FRY: variants seen among roughly 807,000 people sequenced by gnomAD.
The protein encoded by FRY is protein furry homolog.
FRY carries 128 observed loss-of-function variants against 348.4 expected under a neutral mutation model. The observed-to-expected ratio is 0.37, with a 90% confidence interval of 0.32 to 0.43. The LOEUF is 0.43. FRY is among the 20% of genes least tolerant of loss of function. FRY has a pLI of 1.00. For synonymous variants in FRY, 1,370 were observed against 1,374.7 expected, an observed-to-expected ratio of 1.00 and a Z score of 0.08; for missense variants, 2,736 against 3,695.2, an observed-to-expected ratio of 0.74 and a Z score of 6.73.
In FRY at chr13:32,186,127, C is replaced by T. The variant is rs180829120; in HGVS notation, c.3320-133C>T. On this transcript the variant is annotated intron_variant, in intron 26 of 60. Transcript: ENST00000542859. ...AAAATGTGGCTTGACTTTTTAAGTGCATGTTTCATTGCCTAAAGAAAACTG... is the reference window on the plus strand; with the variant it reads ...AAAATGTGGCTTGACTTTTTAAGTGTATGTTTCATTGCCTAAAGAAAACTG... 5.8e-5 allele frequency: 43 copies of T among 745,084 alleles called. No homozygotes were observed. The Admixed American group carries it at 7.4e-4, about 13-fold the overall frequency. The allele number at this position is 745,084 out of a possible 1,614,324, so 46.2% of individuals were successfully genotyped here.
intron 55 of FRY, among the ~76,000 whole-genome samples, chr13:32,270,847 G>A (rs1186044405): frequency 6.6e-6 from 1 of 152,214 alleles, no homozygotes; most frequent in Non-Finnish European, 1.5e-5. Flanking sequence ...CAGGTAAACA[G>A]TGCCTTGCTC....
At chr13:32,166,765 G>A (rs946353036) in intron 17 of FRY, among the ~76,000 whole-genome samples, 2 of 152,064 alleles carry the variant, frequency 1.3e-5, no homozygotes, top group African/African-American at 2.4e-5. Context: ...CCACAGACTC[G>A]TCTTGATAGG....
intron 58 of FRY, among the ~76,000 whole-genome samples, chr13:32,278,842 A>C (rs927918101): frequency 6.6e-6 from 1 of 152,208 alleles, no homozygotes; most frequent in Non-Finnish European, 1.5e-5. Context: ...AATTCAGATT[A>C]TAAGGCCAAA....
chr13:32,100,819 G>A (rs1229803845), intron 2 of FRY, among the ~76,000 whole-genome samples: 1 of 152,126 alleles, frequency 6.6e-6, no homozygotes, highest in East Asian at 1.9e-4. Context: ...TTTCTTTATA[G>A]ATGGTGCCTT....
chr13:32,057,222 G>C (rs1873680789), intron 1 of FRY, among the ~76,000 whole-genome samples: 1 of 151,356 alleles, frequency 6.6e-6, no homozygotes, highest in East Asian at 1.9e-4. Context: ...CCAGGCTAGA[G>C]TGCAGTGGCA....
chr13:32,129,673 T>C (rs1879229237), intron 7 of FRY, among the ~76,000 whole-genome samples: 1 of 152,236 alleles, frequency 6.6e-6, no homozygotes, highest in African/African-American at 2.4e-5. Context: ...AATATCTCAT[T>C]CATAAGTTGT....
chr13:32,075,048 G>A (rs1874948186), intron 1 of FRY, among the ~76,000 whole-genome samples: 1 of 152,216 alleles, frequency 6.6e-6, no homozygotes, highest in African/African-American at 2.4e-5. Context: ...GTGCCTCAGT[G>A]TGGCTAGTAC....
At chr13:32,262,536 TC>T in intron 53 of FRY, 61 bp downstream of exon 53, 7 of 1,298,306 alleles carry the variant, frequency 5.4e-6, no homozygotes, top group Non-Finnish European at 7.8e-6. Context: ...AAAAAACACT[TC>T]CAATTTTCTG....
rs376854791 is a variant in FRY at position 32,248,391 on chromosome 13, G to A, written c.7008+889G>A. Among the ~76,000 whole-genome samples, 345 of 152,246 alleles carry A rather than the reference G, an allele frequency of 2.3e-3. 1 individual carries two copies. The highest frequency in any genetic ancestry group is 7.8e-3 in the African/African-American group (323 of 41,538). ...ACACCGAGGCCTATCACGGGGTGGG[G>A]AACAAGGGGAGGGATAGCATTAGGA... On this transcript the variant is annotated intron_variant, in intron 48 of 60. Transcript: ENST00000542859.
chr13:32,137,637 A>G (rs1879804581), intron 11 of FRY, among the ~76,000 whole-genome samples: 1 of 152,240 alleles, frequency 6.6e-6, no homozygotes, highest in Admixed American at 6.5e-5. Context: ...TTTAAGTTTT[A>G]GTAACCTATT....
In FRY at chr13:32,239,360, C is replaced by T. The variant is rs117297533; in HGVS notation, c.6516+11C>T. On this transcript the variant is annotated intron_variant, in intron 45 of 60. Coordinates refer to ENST00000542859, the MANE Select transcript of FRY (RefSeq NM_023037.3). This position sits in a 1 kb window ranked among gnomAD's most constrained non-coding sequence, Gnocchi z 4.3. ...GAAAGGATTGCTCAGGTATGAGTTACAGTTCCACACTCAGGCAGATCCATA... is the reference window on the plus strand; with the variant it reads ...GAAAGGATTGCTCAGGTATGAGTTATAGTTCCACACTCAGGCAGATCCATA... The T allele has an allele frequency of 4.0e-3, 5,996 of 1,497,290 alleles. 20 individuals carry two copies. The highest frequency in any genetic ancestry group is 4.7e-3 in the Non-Finnish European group (5,033 of 1,073,356). 92.8% of individuals were successfully genotyped at this position (1,497,290 alleles called of 1,614,324 possible). A position where few individuals can be genotyped will look rare whatever the true frequency, so the allele number is the denominator to read the frequency against.
intron 2 of FRY, among the ~76,000 whole-genome samples, chr13:32,099,554 G>T (rs539292797): frequency 6.6e-6 from 1 of 152,016 alleles, no homozygotes. Context: ...TTTTGAAAAC[G>T]TATAATACAG....
Position 32,237,233 on chromosome 13 carries a change from T to G in FRY, c.5811-146T>G. The G allele has an allele frequency of 1.2e-6, 1 of 831,422 alleles. No homozygotes were observed. The allele number at this position is 831,422 out of a possible 1,614,324, so 51.5% of individuals were successfully genotyped here. A position where few individuals can be genotyped will look rare whatever the true frequency, so the allele number is the denominator to read the frequency against. ...TTCTCTTGTTTTGTTTTTTATAGCTTTAAAGATAAGGAAAAATAAATGAAT... is the reference window on the plus strand; with the variant it reads ...TTCTCTTGTTTTGTTTTTTATAGCTGTAAAGATAAGGAAAAATAAATGAAT... On this transcript the variant is annotated intron_variant, in intron 43 of 60. Coordinates refer to ENST00000542859, the MANE Select transcript of FRY (RefSeq NM_023037.3). The surrounding 1 kb of genome is among the most constrained non-coding windows in gnomAD (Gnocchi z 6.3).
rs370703797 is a variant in FRY, at chr13:32,284,037, T to C, written c.8469+5489T>C. Among the ~76,000 whole-genome samples, 182 of 152,330 alleles carry C rather than the reference T, an allele frequency of 1.2e-3. 2 individuals carry two copies. Among genetic ancestry groups the C allele is most frequent in the African/African-American group, 4.3e-3 (177 of 41,584 alleles). On this transcript the variant is annotated intron_variant, in intron 58 of 60. Coordinates refer to ENST00000542859, the MANE Select transcript of FRY (RefSeq NM_023037.3). Reference sequence around the variant, plus strand: ...TGGGTTCTGCAGGCAGTGGCTTTAGTCCCCTTATAGCTAATTAACATAATT... The same window carrying C: ...TGGGTTCTGCAGGCAGTGGCTTTAGCCCCCTTATAGCTAATTAACATAATT...
intron 3 of FRY, among the ~76,000 whole-genome samples, chr13:32,108,516 A>T (rs185625573): frequency 6.6e-6 from 1 of 152,386 alleles, no homozygotes; most frequent in African/African-American, 2.4e-5. Flanking sequence ...TATGACTCAC[A>T]TAGAGATATA....
chr13:32,040,802 A>T (rs1229118124), intron 1 of FRY, among the ~76,000 whole-genome samples: 1 of 152,190 alleles, frequency 6.6e-6, no homozygotes, highest in African/African-American at 2.4e-5. Context: ...AATTGCTGGC[A>T]TTCTGAAGGT....
chr13:32,242,117 A>G (rs1593790310), intron 46 of FRY, among the ~76,000 whole-genome samples: 1 of 152,234 alleles, frequency 6.6e-6, no homozygotes, highest in African/African-American at 2.4e-5. Context: ...GCTAATGTTC[A>G]TAATTTTTTC....
chr13:32,070,374 A>C (rs1371711665), intron 1 of FRY, among the ~76,000 whole-genome samples: 1 of 152,134 alleles, frequency 6.6e-6, no homozygotes, highest in African/African-American at 2.4e-5. Flanking sequence ...CCTCTCCAGC[A>C]TCTGTTGTTT....
intron 29 of FRY, among the ~76,000 whole-genome samples, chr13:32,195,617 A>G (rs1367343571): frequency 6.6e-6 from 1 of 152,196 alleles, no homozygotes; most frequent in Non-Finnish European, 1.5e-5. Flanking sequence ...AAAACATTAC[A>G]CTGCATTTCT....
Sources: allele counts gnomAD v4.1 joint callset (sites outside exome capture counted in the v4.1 genomes callset), GRCh38; gene constraint gnomAD v4.1.1; non-coding constraint Gnocchi (gnomAD v3.1); transcripts MANE v1.5; gene names NCBI Gene and HGNC (gene_info 2026-07-23, HGNC 2026-07-21).